Variants in RORB observed in about 807,000 individuals in gnomAD.
RORB encodes the protein RAR related orphan receptor B.
RORB carries 6 observed loss-of-function variants against 59.1 expected under a neutral mutation model. The observed-to-expected ratio is 0.10, with a 90% CI of 0.06 to 0.20. The LOEUF is 0.20. RORB is among the 10% of genes least tolerant of loss of function. The pLI is 1.00. For missense variants in RORB, 320 were observed against 560.5 expected, an observed-to-expected ratio of 0.57 and a Z score of 4.33; for synonymous variants, 215 against 204.5, an observed-to-expected ratio of 1.05 and a Z score of -0.44.
chr9:74,516,410 G>A (rs1826011211), intron 1 of RORB, among the ~76,000 whole-genome samples: 1 of 151,904 alleles, frequency 6.6e-6, no homozygotes, highest in African/African-American at 2.4e-5. Flanking sequence ...AGTACAATAG[G>A]CCTCCAAGAG....
chr9:74,504,625 G>C (rs1434392109), intron 1 of RORB, among the ~76,000 whole-genome samples: 1 of 152,018 alleles, frequency 6.6e-6, no homozygotes, highest in Non-Finnish European at 1.5e-5. Context: ...TGTGTGATTA[G>C]TTATGATATC....
intron 1 of RORB, among the ~76,000 whole-genome samples, chr9:74,606,603 T>C (rs1173093509): frequency 6.6e-6 from 1 of 152,164 alleles, no homozygotes; most frequent in East Asian, 1.9e-4. Flanking sequence ...TCTTGGACTT[T>C]TCTACATTTT....
intron 1 of RORB, among the ~76,000 whole-genome samples, chr9:74,539,754 C>A (rs1052259325): frequency 6.6e-6 from 1 of 151,250 alleles, no homozygotes; most frequent in Non-Finnish European, 1.5e-5. Context: ...ATGGGGCCAG[C>A]TTTTACTATG....
chr9:74,583,031 G>A (rs1329315804), intron 1 of RORB, among the ~76,000 whole-genome samples: 3 of 152,046 alleles, frequency 2.0e-5, no homozygotes, highest in Admixed American at 2.0e-4. Context: ...CATGAATAAG[G>A]CAACAATGTG....
At chr9:74,542,535 G>T (rs1215946092) in intron 1 of RORB, among the ~76,000 whole-genome samples, 1 of 151,872 alleles carries the variant, frequency 6.6e-6, no homozygotes, top group African/African-American at 2.4e-5. Context: ...GAAGATGAAG[G>T]TCTACCATAA....
At chr9:74,675,263 G>A (rs1388745692) in intron 9 of RORB, among the ~76,000 whole-genome samples, 5 of 148,274 alleles carry the variant, frequency 3.4e-5, no homozygotes, top group South Asian at 2.1e-4. Flanking sequence ...GAGAAGCCAG[G>A]AAATGAGATA....
Position 74,566,686 on chromosome 9 carries a change from A to G in RORB, c.8-63596A>G, listed in dbSNP as rs1252521418. Reference sequence around the variant, plus strand: ...GTGGCATGCACCTGTAGTCCCAGGTACTCGCAAGAGTGAGGCAAAAGAATC... The same window carrying G: ...GTGGCATGCACCTGTAGTCCCAGGTGCTCGCAAGAGTGAGGCAAAAGAATC... On this transcript the variant is annotated intron_variant, in intron 1 of 9. Coordinates refer to ENST00000376896, the MANE Select transcript of RORB (RefSeq NM_006914.4). Among the ~76,000 whole-genome samples the G allele has an allele frequency of 2.6e-5, 4 of 152,180 alleles. 1 individual carries two copies. The highest frequency in any genetic ancestry group is 5.9e-5 in the Non-Finnish European group (4 of 68,024).
intron 1 of RORB, among the ~76,000 whole-genome samples, chr9:74,539,808 T>G (rs544676460): frequency 6.6e-6 from 1 of 150,532 alleles, no homozygotes; most frequent in African/African-American, 2.4e-5. Context: ...TCAAGCACAA[T>G]TCCAGAAAAC....
At chr9:74,543,934 C>T (rs1348346658) in intron 1 of RORB, among the ~76,000 whole-genome samples, 5 of 152,080 alleles carry the variant, frequency 3.3e-5, no homozygotes, top group Non-Finnish European at 5.9e-5. Flanking sequence ...TGTGGATTTG[C>T]AAGTAAATAG....
At chr9:74,664,300 T>C (rs923707534) in intron 6 of RORB, among the ~76,000 whole-genome samples, 24 of 152,224 alleles carry the variant, frequency 1.6e-4, no homozygotes, top group African/African-American at 5.8e-4. Context: ...ACCCAGTTCA[T>C]TGTATCTCTA....
intron 1 of RORB, among the ~76,000 whole-genome samples, chr9:74,529,355 GA>G (rs1047727933): frequency 2.9e-4 from 43 of 147,194 alleles, no homozygotes; most frequent in Admixed American, 1.1e-3. Flanking sequence ...TGCAAAGCTA[GA>G]AAAAAAAAAG....
At chr9:74,673,133 A>G (rs763914347) in intron 9 of RORB, among the ~76,000 whole-genome samples, 3 of 152,068 alleles carry the variant, frequency 2.0e-5, no homozygotes, top group Non-Finnish European at 4.4e-5. Flanking sequence ...CAAATCACCT[A>G]CTCTCTGCAC....
At chr9:74,652,860 G>A (rs549516495) in intron 4 of RORB, among the ~76,000 whole-genome samples, 22 of 152,250 alleles carry the variant, frequency 1.4e-4, no homozygotes, top group Non-Finnish European at 2.4e-4. Flanking sequence ...AAAAAAACTT[G>A]AGGAAACGAA....
chr9:74,578,713 T>C (rs554634228), intron 1 of RORB, among the ~76,000 whole-genome samples: 23 of 152,232 alleles, frequency 1.5e-4, no homozygotes, highest in Non-Finnish European at 2.5e-4. Flanking sequence ...ATTAATACCA[T>C]ATACCACAAG....
chr9:74,511,941 A>G (rs1336682193), intron 1 of RORB, among the ~76,000 whole-genome samples: 2 of 151,842 alleles, frequency 1.3e-5, no homozygotes, highest in Admixed American at 1.3e-4. Flanking sequence ...TGAGAATCGT[A>G]TATTACAGTT....
intron 1 of RORB, among the ~76,000 whole-genome samples, chr9:74,565,280 T>C (rs996159163): frequency 1.3e-5 from 2 of 152,188 alleles, no homozygotes; most frequent in African/African-American, 4.8e-5. Context: ...TTTATACAAA[T>C]AAAATTACTG....
intron 1 of RORB, among the ~76,000 whole-genome samples, chr9:74,557,382 G>A (rs929347584): frequency 6.6e-6 from 1 of 152,182 alleles, no homozygotes; most frequent in Non-Finnish European, 1.5e-5. Flanking sequence ...CAGAAAGCCA[G>A]CATGAGGAGC....
intron 4 of RORB, among the ~76,000 whole-genome samples, chr9:74,648,245 C>T (rs1174002817): frequency 6.6e-6 from 1 of 152,140 alleles, no homozygotes; most frequent in Non-Finnish European, 1.5e-5. Flanking sequence ...CCTCTCTCAC[C>T]CCCACCCCAA....
intron 1 of RORB, among the ~76,000 whole-genome samples, chr9:74,577,482 G>T (rs900740958): frequency 1.3e-5 from 2 of 152,098 alleles, no homozygotes; most frequent in Non-Finnish European, 2.9e-5. Flanking sequence ...CAAATGGAAA[G>T]TACCTGTCAG....
Sources: allele counts gnomAD v4.1 joint callset (sites outside exome capture counted in the v4.1 genomes callset), GRCh38; gene constraint gnomAD v4.1.1; transcripts MANE v1.5; gene names NCBI Gene and HGNC (gene_info 2026-07-23, HGNC 2026-07-21).